The following NKD1 variants were observed in gnomAD, a reference collection of about 807,000 sequenced individuals.
NKD1 encodes the protein protein naked cuticle homolog 1.
A neutral mutation model predicts 56.0 loss-of-function variants in NKD1; 21 were observed. That is an observed-to-expected ratio of 0.38 (90% confidence interval 0.27 to 0.54). The LOEUF (loss-of-function observed/expected upper bound fraction) is 0.54. NKD1 is among the 20% of genes least tolerant of loss of function. NKD1 has a pLI of 0.82. For missense variants in NKD1, 578 were observed against 642.7 expected, an observed-to-expected ratio of 0.90 and a Z score of 1.09; for synonymous variants, 263 against 265.7, an observed-to-expected ratio of 0.99 and a Z score of 0.10.
intron 7 of NKD1, 55 bp from the exon 8 acceptor site, chr16:50,630,771 G>T (rs1025266639): frequency 1.4e-6 from 2 of 1,469,350 alleles, no homozygotes; most frequent in African/African-American, 1.4e-5. Context: ...GCCCTGGGGA[G>T]GGTGGGAGCA....
At chr16:50,595,987 C>T (rs1233100056) in intron 3 of NKD1, among the ~76,000 whole-genome samples, 2 of 152,206 alleles carry the variant, frequency 1.3e-5, no homozygotes, top group African/African-American at 4.8e-5. Flanking sequence ...GGAGAGAGTG[C>T]CACCCTGCTC....
chr16:50,560,828 A>ATCTG (rs1387359936), intron 3 of NKD1, among the ~76,000 whole-genome samples: 3 of 151,500 alleles, frequency 2.0e-5, no homozygotes, highest in African/African-American at 7.3e-5. Flanking sequence ...AAACCCATCT[A>ATCTG]TCTATCTATC....
chr16:50,633,281 A>C lies in NKD1; in HGVS notation c.913A>C (p.Ile305Leu), dbSNP rs1219187368. Residue 305 changes from isoleucine to leucine, a missense_variant, in exon 10 of 10, where the codon ATC (isoleucine) becomes CTC (leucine). Physicochemically the swap from Ile to Leu is conservative, Grantham distance 5. Coordinates refer to ENST00000268459, the MANE Select transcript of NKD1 (RefSeq NM_033119.5). The surrounding 1 kb of genome is among the most constrained non-coding windows in gnomAD (Gnocchi z 4.9). ...SRSHEPEAIH[I>L]PHRKPQGVDP... ...CTCCCATGAGCCGGAAGCCATCCACATCCCACACCGAAAGCCCCAAGGCGT... is the reference window on the plus strand; with the variant it reads ...CTCCCATGAGCCGGAAGCCATCCACCTCCCACACCGAAAGCCCCAAGGCGT... The C allele has an allele frequency of 6.2e-7, 1 of 1,613,878 alleles. No homozygotes were observed. Among genetic ancestry groups the C allele is most frequent in the Non-Finnish European group, 8.5e-7 (1 of 1,179,954 alleles).
At chr16:50,581,878 G>A (rs1359068724) in intron 3 of NKD1, among the ~76,000 whole-genome samples, 1 of 152,184 alleles carries the variant, frequency 6.6e-6, no homozygotes, top group Non-Finnish European at 1.5e-5. Context: ...GAAAGGGCAG[G>A]GTGGTTCAGG....
At chr16:50,631,294 ACT>A (rs1962339181) in intron 8 of NKD1, among the ~76,000 whole-genome samples, 1 of 151,768 alleles carries the variant, frequency 6.6e-6, no homozygotes, top group South Asian at 2.1e-4. Context: ...GGTTATGAAA[ACT>A]CTTAGTTTTC....
At chr16:50,594,823 G>T (rs957147328) in intron 3 of NKD1, among the ~76,000 whole-genome samples, 2 of 151,506 alleles carry the variant, frequency 1.3e-5, no homozygotes, top group Non-Finnish European at 2.9e-5. Flanking sequence ...AGACCCGGGG[G>T]GATCTGCACG....
chr16:50,613,594 G>C (rs1961897371), intron 4 of NKD1: 1 of 152,232 alleles, frequency 6.6e-6, no homozygotes, highest in Non-Finnish European at 1.5e-5. Context: ...TTGTTACCTT[G>C]GCAGTTTCTC....
intron 2 of NKD1, among the ~76,000 whole-genome samples, chr16:50,549,219 C>T (rs1274684207): frequency 1.3e-5 from 2 of 151,684 alleles, no homozygotes; most frequent in East Asian, 3.9e-4. Flanking sequence ...TTGCCCCCTT[C>T]TGGCTCCTCG....
chr16:50,604,921 C>G (rs1476730580), intron 3 of NKD1, among the ~76,000 whole-genome samples: 1 of 152,184 alleles, frequency 6.6e-6, no homozygotes, highest in African/African-American at 2.4e-5. Flanking sequence ...AGATGGGAAC[C>G]CTTGACCACT....
At chr16:50,560,416 C>T (rs1381966989) in intron 3 of NKD1, among the ~76,000 whole-genome samples, 1 of 152,212 alleles carries the variant, frequency 6.6e-6, no homozygotes, top group Non-Finnish European at 1.5e-5. Context: ...AGGCTCTGGG[C>T]CAAGCACTGT....
At chr16:50,580,509 A>G (rs1051121068) in intron 3 of NKD1, among the ~76,000 whole-genome samples, 7 of 152,226 alleles carry the variant, frequency 4.6e-5, no homozygotes, top group African/African-American at 1.4e-4. Context: ...ACCCTTGTCA[A>G]AGGGTTCCCT....
At chr16:50,586,390 G>T in intron 3 of NKD1, among the ~76,000 whole-genome samples, 1 of 117,612 alleles carries the variant, frequency 8.5e-6, no homozygotes, top group Non-Finnish European at 1.7e-5. Context: ...GGCGGGGGGT[G>T]GGTGGCTGTC....
intron 3 of NKD1, among the ~76,000 whole-genome samples, chr16:50,565,241 G>T (rs1960732332): frequency 6.6e-6 from 1 of 152,108 alleles, no homozygotes; most frequent in Non-Finnish European, 1.5e-5. Context: ...TTACCCAGGT[G>T]TGGGCCTGTA....
intron 4 of NKD1, among the ~76,000 whole-genome samples, chr16:50,610,111 G>GCT (rs1961810024): frequency 6.6e-6 from 1 of 152,150 alleles, no homozygotes; most frequent in Non-Finnish European, 1.5e-5. Flanking sequence ...CTGGAGGATC[G>GCT]CTTGAGCTCA....
chr16:50,621,057 G>A (rs1446957246), intron 4 of NKD1, among the ~76,000 whole-genome samples: 2 of 152,234 alleles, frequency 1.3e-5, no homozygotes, highest in African/African-American at 4.8e-5. Flanking sequence ...GTCCATGTGC[G>A]CTTGTGCATA....
chr16:50,633,787 C>T lies in NKD1; in HGVS notation c.*6C>T. ...ACCACTTCTACCAGACATAGAGCCC[C>T]TCCCCAGGGCCCCACCCTGCCATAT... On this transcript the variant is annotated 3_prime_UTR_variant, in exon 10 of 10. Coordinates refer to ENST00000268459, the MANE Select transcript of NKD1 (RefSeq NM_033119.5). This position sits in a 1 kb window ranked among gnomAD's most constrained non-coding sequence, Gnocchi z 4.9. 6 of 1,430,882 alleles carry T rather than the reference C, an allele frequency of 4.2e-6. No homozygotes were observed. Among genetic ancestry groups the T allele is most frequent in the Non-Finnish European group, 5.6e-6 (6 of 1,072,078 alleles). 88.6% of individuals were successfully genotyped at this position (1,430,882 alleles called of 1,614,324 possible). A position where few individuals can be genotyped will look rare whatever the true frequency, so the allele number is the denominator to read the frequency against.
rs561229028 is a variant in NKD1, at chr16:50,648,143, C to T, written c.*14362C>T. 1 of 152,700 alleles carries T rather than the reference C, an allele frequency of 6.5e-6. No individual in the cohort carries two copies. The highest frequency in any genetic ancestry group is 1.5e-5 in the Non-Finnish European group (1 of 68,196). The allele number at this position is 152,700 out of a possible 1,614,324, so 9.5% of individuals were successfully genotyped here. ...TCCTTTTCTCTCTTCTATAGCCACTCACTCCTGGGCCCCACTGTGAACCCA... is the reference window on the plus strand; with the variant it reads ...TCCTTTTCTCTCTTCTATAGCCACTTACTCCTGGGCCCCACTGTGAACCCA... On this transcript the variant is annotated 3_prime_UTR_variant, in exon 10 of 10. Coordinates refer to ENST00000268459, the MANE Select transcript of NKD1 (RefSeq NM_033119.5).
intron 6 of NKD1, among the ~76,000 whole-genome samples, 167 bp downstream of exon 6, chr16:50,625,747 A>G (rs1335630536): frequency 1.3e-5 from 2 of 152,232 alleles, no homozygotes; most frequent in South Asian, 2.1e-4. Flanking sequence ...CTGGAGGGGC[A>G]TCCCAGAGCT....
intron 3 of NKD1, among the ~76,000 whole-genome samples, chr16:50,563,862 C>T (rs1483482197): frequency 1.4e-5 from 2 of 145,172 alleles, no homozygotes; most frequent in Non-Finnish European, 3.0e-5. Flanking sequence ...GGAGAAGACC[C>T]TGTGTGTCAG....
Sources: gnomAD v4.1 joint callset for allele counts (sites outside exome capture counted in the v4.1 genomes callset) on GRCh38, gnomAD v4.1.1 for gene constraint, Gnocchi (gnomAD v3.1) non-coding constraint, MANE v1.5 for transcripts, NCBI Gene and HGNC (gene_info 2026-07-23, HGNC 2026-07-21) for gene names.